The following CDCA7L variants were observed in gnomAD, a reference collection of about 807,000 sequenced individuals.
CDCA7L encodes the protein cell division cycle-associated 7-like protein.
CDCA7L carries 44 observed loss-of-function variants against 57.4 expected under a neutral mutation model. The observed-to-expected ratio is 0.77, with a 90% CI of 0.60 to 0.98. The LOEUF (loss-of-function observed/expected upper bound fraction) is 0.98. Ranked by LOEUF, CDCA7L falls within the 50% of genes least tolerant of loss-of-function variation. CDCA7L has a pLI of 0.00. For missense variants in CDCA7L, 644 were observed against 580.6 expected (o/e 1.11, Z -1.12); for synonymous variants, 236 against 202.8 (o/e 1.16, Z -1.39).
In CDCA7L at chr7:21,902,365, T is replaced by C; in HGVS notation, c.1335-13A>G. 1 of 1,612,716 alleles carries C rather than the reference T, an allele frequency of 6.2e-7. No individual in the cohort carries two copies. The highest frequency in any genetic ancestry group is 8.5e-7 in the Non-Finnish European group (1 of 1,179,546). On this transcript the variant is annotated splice_polypyrimidine_tract_variant and intron_variant, in intron 9 of 9. Coordinates refer to ENST00000406877, the MANE Select transcript of CDCA7L (RefSeq NM_018719.5). Reference sequence around the variant, plus strand: ...CTCCTTTTGTAAGCTGGGAAAAAGATGAGAAGTATTTGGTAAAGTAGTACA... The same window carrying C: ...CTCCTTTTGTAAGCTGGGAAAAAGACGAGAAGTATTTGGTAAAGTAGTACA...
intron 3 of CDCA7L, among the ~76,000 whole-genome samples, chr7:21,911,177 C>T (rs1210341118): frequency 6.6e-6 from 1 of 151,242 alleles, no homozygotes; most frequent in Non-Finnish European, 1.5e-5. Context: ...TTACAGGTGC[C>T]CGCCACCACG....
At chr7:21,931,446 AT>A (rs1786013183) in intron 1 of CDCA7L, among the ~76,000 whole-genome samples, 1 of 152,254 alleles carries the variant, frequency 6.6e-6, no homozygotes, top group Non-Finnish European at 1.5e-5. Context: ...AGTTGGCTTC[AT>A]CCCTGGGATG....
intron 1 of CDCA7L, among the ~76,000 whole-genome samples, chr7:21,917,109 A>G (rs1785510372): frequency 6.6e-6 from 1 of 152,136 alleles, no homozygotes; most frequent in African/African-American, 2.4e-5. Flanking sequence ...AAAATTCTAG[A>G]TATACACCCT....
At chr7:21,913,477 G>A (rs1190821763) in intron 2 of CDCA7L, among the ~76,000 whole-genome samples, 1 of 152,250 alleles carries the variant, frequency 6.6e-6, no homozygotes, top group African/African-American at 2.4e-5. Flanking sequence ...TCATGAGCCT[G>A]TGGGGTCGGG....
chr7:21,918,364 T>C (rs1284691237), intron 1 of CDCA7L, among the ~76,000 whole-genome samples: 2 of 152,232 alleles, frequency 1.3e-5, no homozygotes, highest in African/African-American at 2.4e-5. Context: ...ACTGTAGACA[T>C]AGTATCATGT....
At chr7:21,902,853 T>C in intron 9 of CDCA7L, 125 bp downstream of exon 9, 2 of 787,708 alleles carry the variant, frequency 2.5e-6, no homozygotes. Flanking sequence ...ACAGAATGGA[T>C]GGTACTCGTG....
intron 2 of CDCA7L, among the ~76,000 whole-genome samples, chr7:21,914,254 T>G (rs906504121): frequency 2.0e-5 from 3 of 151,894 alleles, no homozygotes; most frequent in Non-Finnish European, 4.4e-5. Flanking sequence ...TCAGGTGGGG[T>G]GTTGGATGCT....
chr7:21,907,702 TAGA>T (rs748297637), intron 4 of CDCA7L, among the ~76,000 whole-genome samples: 5 of 152,200 alleles, frequency 3.3e-5, no homozygotes, highest in Non-Finnish European at 5.9e-5. Context: ...CTGGTCACCA[TAGA>T]AGAGTGGTTC....
At chr7:21,902,408 C>A in intron 9 of CDCA7L, 56 bp from the exon 10 acceptor site, 2 of 1,531,892 alleles carry the variant, frequency 1.3e-6, no homozygotes, top group South Asian at 2.2e-5. Flanking sequence ...AAATGGCATT[C>A]TAGGCTTGAG....
intron 1 of CDCA7L, among the ~76,000 whole-genome samples, chr7:21,939,296 ATACTT>A (rs1583880270): frequency 6.6e-6 from 1 of 152,368 alleles, no homozygotes; most frequent in East Asian, 1.9e-4. Flanking sequence ...CATTGTGACT[ATACTT>A]AGTAACACTG....
chr7:21,923,354 G>A (rs541788780), intron 1 of CDCA7L, among the ~76,000 whole-genome samples: 44 of 152,192 alleles, frequency 2.9e-4, no homozygotes, highest in Non-Finnish European at 4.6e-4. Flanking sequence ...CAGCTGGGTT[G>A]TGGTGGCGTG....
chr7:21,915,656 AAAAC>A (rs1297260009), intron 2 of CDCA7L, among the ~76,000 whole-genome samples: 18 of 110,408 alleles, frequency 1.6e-4, no homozygotes, highest in African/African-American at 7.2e-4. Flanking sequence ...AAAAAAAAAA[AAAAC>A]ACACACACAC....
intron 6 of CDCA7L, among the ~76,000 whole-genome samples, chr7:21,905,947 T>C (rs1158819881): frequency 1.3e-5 from 2 of 152,340 alleles, no homozygotes; most frequent in African/African-American, 4.8e-5. Flanking sequence ...CTGAAAGCGC[T>C]TGAAACGCCT....
chr7:21,937,593 G>T (rs1786211487), intron 1 of CDCA7L, among the ~76,000 whole-genome samples: 1 of 150,876 alleles, frequency 6.6e-6, no homozygotes, highest in Admixed American at 6.6e-5. Flanking sequence ...AGCCGAGATT[G>T]CACCACTGCA....
intron 3 of CDCA7L, among the ~76,000 whole-genome samples, chr7:21,908,864 C>G (rs1219495931): frequency 6.6e-6 from 1 of 152,160 alleles, no homozygotes; most frequent in South Asian, 2.1e-4. Flanking sequence ...GGAGAGACAG[C>G]AGCATGACAG....
Position 21,902,312 on chromosome 7 carries a change from T to TG in CDCA7L, c.*9dup, listed in dbSNP as rs1416180101. ...CTATGGTGAGGTGGCTGGTTCTGTT[T>TG]GTTTTCCTCTTAATTGTCTTCTACC... On this transcript the variant is annotated 3_prime_UTR_variant, in exon 10 of 10. Coordinates refer to ENST00000406877, the MANE Select transcript of CDCA7L (RefSeq NM_018719.5). 6.2e-7 allele frequency: 1 copy of TG among 1,613,744 alleles called. No homozygotes were observed. The highest frequency in any genetic ancestry group is 1.1e-5 in the South Asian group (1 of 91,076).
intron 3 of CDCA7L, among the ~76,000 whole-genome samples, chr7:21,908,958 T>A (rs952807497): frequency 6.6e-6 from 1 of 152,100 alleles, no homozygotes; most frequent in Non-Finnish European, 1.5e-5. Flanking sequence ...GACTCCTGAA[T>A]AACAGGGCGG....
chr7:21,918,964 G>A (rs574989298), intron 1 of CDCA7L, among the ~76,000 whole-genome samples: 109 of 152,218 alleles, frequency 7.2e-4, no homozygotes, highest in Middle Eastern at 3.4e-3. Flanking sequence ...CAGTTTCAGC[G>A]TCCATTGACA....
At chr7:21,944,098 G>C (rs1786428870) in intron 1 of CDCA7L, among the ~76,000 whole-genome samples, 2 of 152,114 alleles carry the variant, frequency 1.3e-5, no homozygotes, top group Non-Finnish European at 2.9e-5. Context: ...TCCATCCAGA[G>C]GGTTTGTTTT....
Sources: gnomAD v4.1 joint callset for allele counts (sites outside exome capture counted in the v4.1 genomes callset) on GRCh38, gnomAD v4.1.1 for gene constraint, MANE v1.5 for transcripts, NCBI Gene and HGNC (gene_info 2026-07-23, HGNC 2026-07-21) for gene names.